Variants in TBX4 observed in about 807,000 individuals in gnomAD.
TBX4 encodes T-box transcription factor TBX4.
In TBX4, 13 loss-of-function variants were observed where a neutral mutation model predicts 54.6. That is an observed-to-expected ratio of 0.24 (90% CI 0.15 to 0.38). The LOEUF (loss-of-function observed/expected upper bound fraction) is 0.38, where lower values mean the gene tolerates loss of function less well. TBX4 is among the 10% of genes least tolerant of loss of function. The probability of loss-of-function intolerance (pLI) is 1.00; values close to 1 mark genes in which losing one functional copy is unlikely to be tolerated. For missense variants in TBX4, 631 were observed against 728.5 expected, an observed-to-expected ratio of 0.87 and a Z score of 1.54; for synonymous variants, 314 against 306.7, an observed-to-expected ratio of 1.02 and a Z score of -0.25.
chr17:61,455,494 T>TAA (rs1415074752), intron 1 of TBX4, among the ~76,000 whole-genome samples: 2 of 152,188 alleles, frequency 1.3e-5, no homozygotes, highest in African/African-American at 4.8e-5. Context: ...GGCTGTGCTC[T>TAA]CATCCCGAGG....
chr17:61,475,084 C>T lies in TBX4; in HGVS notation c.550-3543C>T, dbSNP rs1235892114. ...GCACCCTTCTTGACTTCTCTATGACCGGGGTTACCCTCACCTAGTGGCTCC... is the reference window on the plus strand; with the variant it reads ...GCACCCTTCTTGACTTCTCTATGACTGGGGTTACCCTCACCTAGTGGCTCC... On this transcript the variant is annotated intron_variant, in intron 5 of 8. Transcript: ENST00000644296. This position sits in a 1 kb window ranked among gnomAD's most constrained non-coding sequence, Gnocchi z 5.0. Among the ~76,000 whole-genome samples, 7 of 152,210 alleles carry T rather than the reference C, an allele frequency of 4.6e-5. No individual in the cohort carries two copies. The highest frequency in any genetic ancestry group is 1.0e-4 in the Non-Finnish European group (7 of 68,034).
chr17:61,480,241 G>C lies in TBX4; in HGVS notation c.943G>C (p.Glu315Gln), dbSNP rs746131244. 1 of 1,614,092 alleles carries C rather than the reference G, an allele frequency of 6.2e-7. No homozygotes were observed. The highest frequency in any genetic ancestry group is 2.2e-5 in the East Asian group (1 of 44,870). ...HENGAHSQLAEPQDLPLSTFP... is the reference protein window; with the variant it reads ...HENGAHSQLAQPQDLPLSTFP... Reference sequence around the variant, plus strand: ...GAACGGGGCACACTCACAGCTCGCGGAGCCGCAGGACCTGCCCCTCAGCAC... The same window carrying C: ...GAACGGGGCACACTCACAGCTCGCGCAGCCGCAGGACCTGCCCCTCAGCAC... The change falls in exon 8 of 9, where the codon GAG (glutamate) becomes CAG (glutamine). Residue 315 changes from glutamate (E) to glutamine (Q), a missense_variant. Around this residue, in one of 3 missense-constraint regions of TBX4, gnomAD observed 354 missense variants for 368.9 expected, o/e 0.96. Transcript: ENST00000644296. This position sits in a 1 kb window ranked among gnomAD's most constrained non-coding sequence, Gnocchi z 6.2.
At position 61,483,546 on chromosome 17, in the gene TBX4, C is replaced by T. The variant is rs760621927; in HGVS notation, c.*30C>T. The T allele has an allele frequency of 9.3e-6, 15 of 1,612,822 alleles. No homozygotes were observed. Among genetic ancestry groups the T allele is most frequent in the South Asian group, 6.6e-5 (6 of 90,782 alleles). On this transcript the variant is annotated 3_prime_UTR_variant, in exon 9 of 9. Transcript: ENST00000644296. The surrounding 1 kb of genome is among the most constrained non-coding windows in gnomAD (Gnocchi z 6.6). ...CACGTCTCCTCCATAGCCCCGGGAC[C>T]GTGTTGCTCCAGTATTAACCTCTGT...
intron 3 of TBX4, among the ~76,000 whole-genome samples, chr17:61,458,913 G>A (rs1041716713): frequency 3.5e-5 from 5 of 144,124 alleles, no homozygotes; most frequent in Non-Finnish European, 4.7e-5. Flanking sequence ...TGTGTGCAGC[G>A]TATGGGGTGC....
At chr17:61,468,131 C>A (rs905127625) in intron 5 of TBX4, among the ~76,000 whole-genome samples, 2 of 152,200 alleles carry the variant, frequency 1.3e-5, no homozygotes, top group African/African-American at 4.8e-5. Flanking sequence ...TTCCAAAGCC[C>A]CTCTTTGGTG....
Position 61,457,493 on chromosome 17 carries a change from C to T in TBX4, c.187-44C>T, listed in dbSNP as rs1327998143. The T allele has an allele frequency of 1.3e-6, 2 of 1,578,480 alleles. No individual in the cohort carries two copies. Among genetic ancestry groups the T allele is most frequent in the South Asian group, 2.2e-5 (2 of 90,402 alleles). On this transcript the variant is annotated intron_variant, in intron 2 of 8. Transcript: ENST00000644296. The surrounding 1 kb of genome is among the most constrained non-coding windows in gnomAD (Gnocchi z 8.2). Reference sequence around the variant, plus strand: ...TTCTTTCCTCAGGCTCCGCGTGGAGCCCTGGGCCTGGCAGACACAAGTTTC... The same window carrying T: ...TTCTTTCCTCAGGCTCCGCGTGGAGTCCTGGGCCTGGCAGACACAAGTTTC...
chr17:61,476,488 T>C lies in TBX4; in HGVS notation c.550-2139T>C, dbSNP rs1050323543. ...TTGTGGATGCCTGCAGCTCTGTGAA[T>C]AGTGCACGGTGATGGAGTCACCTAA... On this transcript the variant is annotated intron_variant, in intron 5 of 8. Coordinates refer to ENST00000644296, the MANE Select transcript of TBX4 (RefSeq NM_001321120.2). This position sits in a 1 kb window ranked among gnomAD's most constrained non-coding sequence, Gnocchi z 6.5. 6.6e-6 allele frequency among the ~76,000 whole-genome samples: 1 copy of C among 152,168 alleles called. No homozygotes were observed. Among genetic ancestry groups the C allele is most frequent in the African/African-American group, 2.4e-5 (1 of 41,436 alleles).
rs2060529854 is a variant in TBX4, at chr17:61,465,613, A to G, written c.282-206A>G. ...CACAGACTGATAGCTGCAGGGGCTC[A>G]GAGACAGCAGCCAGTGCCACCTTTT... On this transcript the variant is annotated intron_variant, in intron 3 of 8. Coordinates refer to ENST00000644296, the MANE Select transcript of TBX4 (RefSeq NM_001321120.2). This position sits in a 1 kb window ranked among gnomAD's most constrained non-coding sequence, Gnocchi z 4.9. 6.6e-6 allele frequency among the ~76,000 whole-genome samples: 1 copy of G among 152,220 alleles called. No individual in the cohort carries two copies.
rs2060605780 is a variant in TBX4 at position 61,474,616 on chromosome 17, G to A, written c.550-4011G>A. On this transcript the variant is annotated intron_variant, in intron 5 of 8. Transcript: ENST00000644296. The surrounding 1 kb of genome is among the most constrained non-coding windows in gnomAD (Gnocchi z 4.6). ...CAATTGCAGTTGTTAAAATAGAACA[G>A]GCTTCTGAATTGTGGCCAGAACATA... Among the ~76,000 whole-genome samples, 1 of 152,236 alleles carries A rather than the reference G, an allele frequency of 6.6e-6. No homozygotes were observed.
At position 61,457,402 on chromosome 17, in the gene TBX4, G is replaced by GA. The variant is rs1431194142; in HGVS notation, c.187-132dup. 1.1e-4 allele frequency: 85 copies of GA among 746,370 alleles called. No homozygotes were observed. The highest frequency in any genetic ancestry group is 3.0e-5 in the Non-Finnish European group (13 of 426,938). The allele number at this position is 746,370 out of a possible 1,614,324, so 46.2% of individuals were successfully genotyped here. On this transcript the variant is annotated intron_variant, in intron 2 of 8. Coordinates refer to ENST00000644296, the MANE Select transcript of TBX4 (RefSeq NM_001321120.2). The surrounding 1 kb of genome is among the most constrained non-coding windows in gnomAD (Gnocchi z 8.2). ...CACGAATAGTTCAAAATCGTTCTGT[G>GA]AAACGAAATCTGGAGCCATGGGCTC... is the stretch of plus-strand genomic sequence containing the variant.
chr17:61,470,335 G>A (rs917277108), intron 5 of TBX4, among the ~76,000 whole-genome samples: 5 of 152,166 alleles, frequency 3.3e-5, no homozygotes, highest in East Asian at 1.9e-4. Flanking sequence ...GGGATAATCC[G>A]GGTTTTCCTA....
intron 5 of TBX4, among the ~76,000 whole-genome samples, chr17:61,468,698 T>G (rs1467812053): frequency 6.6e-6 from 1 of 152,254 alleles, no homozygotes; most frequent in Non-Finnish European, 1.5e-5. Flanking sequence ...GCTAGGAGAA[T>G]GTTTAATTAA....
Position 61,467,576 on chromosome 17 carries a change from C to T in TBX4, c.468C>T (p.Ala156=), listed in dbSNP as rs928088687. 13 of 1,614,116 alleles carry T rather than the reference C, an allele frequency of 8.1e-6. No homozygotes were observed. The highest frequency in any genetic ancestry group is 1.1e-5 in the Non-Finnish European group (13 of 1,180,044). The part of the protein sequence containing the change: ...GRLYVHPDSP[A]TGAHWMRQLV... Reference sequence around the variant, plus strand: ...TGTATGTCCACCCGGATTCTCCTGCCACAGGAGCCCACTGGATGCGGCAGC... The same window carrying T: ...TGTATGTCCACCCGGATTCTCCTGCTACAGGAGCCCACTGGATGCGGCAGC... The change falls in exon 5 of 9, where the codon GCC becomes GCT. Residue 156 remains alanine (A), a synonymous_variant. Coordinates refer to ENST00000644296, the MANE Select transcript of TBX4 (RefSeq NM_001321120.2).
intron 4 of TBX4, 64 bp from the exon 5 acceptor site, chr17:61,467,446 G>T (rs1603251467): frequency 6.2e-7 from 1 of 1,606,700 alleles, no homozygotes; most frequent in Non-Finnish European, 8.5e-7. Flanking sequence ...TCCAAGAGGG[G>T]ACGGGGAATC....
intron 5 of TBX4, among the ~76,000 whole-genome samples, chr17:61,471,913 T>A (rs889202744): frequency 5.0e-4 from 74 of 147,072 alleles, no homozygotes; most frequent in African/African-American, 1.8e-3. Context: ...TTTTTTTTTT[T>A]TTTTTTTTTT....
chr17:61,481,821 C>G lies in TBX4; in HGVS notation c.1022-1076C>G, dbSNP rs557206197. 1.3e-5 allele frequency: 2 copies of G among 152,440 alleles called. No individual in the cohort carries two copies. Among genetic ancestry groups the G allele is most frequent in the African/African-American group, 4.8e-5 (2 of 41,568 alleles). The allele number at this position is 152,440 out of a possible 1,614,324, so 9.4% of individuals were successfully genotyped here. On this transcript the variant is annotated intron_variant, in intron 8 of 8. Transcript: ENST00000644296. The surrounding 1 kb of genome is among the most constrained non-coding windows in gnomAD (Gnocchi z 4.8). Reference sequence around the variant, plus strand: ...TCTCTCTGTCTCCCAGGCTGGAGTGCAATGGTGCAATCTGGGCTCACTGCA... The same window carrying G: ...TCTCTCTGTCTCCCAGGCTGGAGTGGAATGGTGCAATCTGGGCTCACTGCA...
intron 4 of TBX4, among the ~76,000 whole-genome samples, chr17:61,466,699 G>A (rs2060539809): frequency 6.6e-6 from 1 of 152,244 alleles, no homozygotes; most frequent in Admixed American, 6.5e-5. Context: ...CAAGGGCCAT[G>A]TTTCTGTTTC....
Position 61,472,842 on chromosome 17 carries a change from G to A in TBX4, c.549+5185G>A, listed in dbSNP as rs141635750. Among the ~76,000 whole-genome samples the A allele has an allele frequency of 6.7e-6, 1 of 150,010 alleles. No homozygotes were observed. Among genetic ancestry groups the A allele is most frequent in the East Asian group, 2.0e-4 (1 of 5,120 alleles). On this transcript the variant is annotated intron_variant, in intron 5 of 8. Coordinates refer to ENST00000644296, the MANE Select transcript of TBX4 (RefSeq NM_001321120.2). The surrounding 1 kb of genome is among the most constrained non-coding windows in gnomAD (Gnocchi z 4.5). The stretch of plus-strand genomic sequence containing the variant: ...CAGTTGTCCCAGCATCACTAATTGA[G>A]TTGTCCCCTTTCCTCCCCTGGTTGA...
chr17:61,466,206 G>A (rs931185835), intron 4 of TBX4, among the ~76,000 whole-genome samples: 2 of 152,176 alleles, frequency 1.3e-5, no homozygotes, highest in African/African-American at 2.4e-5. Flanking sequence ...CTCTCCTTAT[G>A]GCCGTGGGTA....
Sources: gnomAD v4.1 joint callset for allele counts (sites outside exome capture counted in the v4.1 genomes callset) on GRCh38, gnomAD v4.1.1 for gene constraint, gnomAD v4.1.1 regional missense constraint, Gnocchi (gnomAD v3.1) non-coding constraint, MANE v1.5 for transcripts, NCBI Gene and HGNC (gene_info 2026-07-23, HGNC 2026-07-21) for gene names.